Variants in FAF1 observed in about 807,000 individuals in gnomAD.
FAF1 encodes Fas associated factor 1.
FAF1 carries 25 observed loss-of-function variants against 92.5 expected under a neutral mutation model. That is an observed-to-expected ratio of 0.27 (90% CI 0.20 to 0.38). The LOEUF (loss-of-function observed/expected upper bound fraction) is 0.38, where lower values mean the gene tolerates loss of function less well. Ranked by LOEUF, FAF1 falls within the 10% of genes least tolerant of loss-of-function variation. The pLI is 1.00. For missense variants in FAF1, 636 were observed against 793.3 expected, an observed-to-expected ratio of 0.80 and a Z score of 2.38; for synonymous variants, 234 against 273.2, an observed-to-expected ratio of 0.86 and a Z score of 1.42.
intron 6 of FAF1, 44 bp from the exon 7 acceptor site, chr1:50,705,935 G>T: frequency 8.2e-7 from 1 of 1,224,922 alleles, no homozygotes; most frequent in Non-Finnish European, 1.2e-6. Flanking sequence ...AGATGAACAA[G>T]TTCTAGCTTG....
intron 4 of FAF1, among the ~76,000 whole-genome samples, chr1:50,760,475 A>G (rs1028209248): frequency 1.3e-5 from 2 of 152,224 alleles, no homozygotes; most frequent in Non-Finnish European, 2.9e-5. Context: ...AACAGAAATT[A>G]TAACAAACTG....
At chr1:50,696,837 C>T (rs1657255367) in intron 7 of FAF1, among the ~76,000 whole-genome samples, 1 of 152,154 alleles carries the variant, frequency 6.6e-6, no homozygotes, top group African/African-American at 2.4e-5. Context: ...CCTCCACCCC[C>T]ATGCATTAGC....
intron 6 of FAF1, among the ~76,000 whole-genome samples, chr1:50,735,515 T>C (rs1659099956): frequency 6.6e-6 from 1 of 152,142 alleles, no homozygotes; most frequent in Admixed American, 6.5e-5. Flanking sequence ...TACCATTTCT[T>C]CCCCTAGAAA....
At position 50,535,378 on chromosome 1, in the gene FAF1, T is replaced by C; in HGVS notation, c.1485A>G (p.Ile495Met). 1.2e-6 allele frequency: 2 copies of C among 1,607,170 alleles called. No individual in the cohort carries two copies. Among genetic ancestry groups the C allele is most frequent in the Admixed American group, 1.7e-5 (1 of 59,938 alleles). Reference sequence around the variant, plus strand: ...ATCTGCATAACCTTACCTCGTCCTTTATATCTTCCTGTTGTTGGGCTGTGA... The same window carrying C: ...ATCTGCATAACCTTACCTCGTCCTTCATATCTTCCTGTTGTTGGGCTGTGA... ...EIFTAQQQED[I>M]KDEDEREARE... Residue 495 changes from isoleucine (I) to methionine (M), a missense_variant, in exon 15 of 19, where the codon ATA becomes ATG. Around this residue, in one of 2 missense-constraint regions of FAF1, gnomAD observed 319 missense variants for 451.0 expected, o/e 0.71. Transcript: ENST00000396153.
chr1:50,713,181 T>C (rs1658015042), intron 6 of FAF1, among the ~76,000 whole-genome samples: 1 of 147,256 alleles, frequency 6.8e-6, no homozygotes, highest in African/African-American at 2.5e-5. Flanking sequence ...AAAAAAAAGT[T>C]CACGCTGCTT....
intron 13 of FAF1, among the ~76,000 whole-genome samples, chr1:50,554,390 T>TATATATATATATAGAGAGAGAGAGAGAG: frequency 8.9e-4 from 83 of 93,632 alleles, no homozygotes; most frequent in East Asian, 1.6e-3. Flanking sequence ...TATATATATA[T>TATATATATATATAGAGAGAGAGAGAGAG]AGAGAGAGAG....
chr1:50,910,710 C>T (rs1644878312), intron 1 of FAF1, among the ~76,000 whole-genome samples: 1 of 151,804 alleles, frequency 6.6e-6, no homozygotes, highest in Non-Finnish European at 1.5e-5. Context: ...TCTGGTGTGC[C>T]GTTCGCTAAG....
At chr1:50,785,953 G>A (rs1329624294) in intron 4 of FAF1, among the ~76,000 whole-genome samples, 1 of 151,690 alleles carries the variant, frequency 6.6e-6, no homozygotes, top group East Asian at 1.9e-4. Flanking sequence ...GAAAGTAAGT[G>A]AGACTCCTTC....
intron 1 of FAF1, among the ~76,000 whole-genome samples, chr1:50,937,673 A>G (rs1393842830): frequency 1.3e-5 from 2 of 152,164 alleles, no homozygotes; most frequent in African/African-American, 2.4e-5. Context: ...GTACTACATG[A>G]GTATACCCAT....
chr1:50,512,103 T>G (rs909377609), intron 15 of FAF1, among the ~76,000 whole-genome samples: 1 of 152,130 alleles, frequency 6.6e-6, no homozygotes, highest in African/African-American at 2.4e-5. Context: ...TTTTTCTTGT[T>G]AACTTGTTTA....
intron 4 of FAF1, among the ~76,000 whole-genome samples, chr1:50,759,610 A>C (rs1482702416): frequency 6.6e-6 from 1 of 152,114 alleles, no homozygotes; most frequent in Non-Finnish European, 1.5e-5. Flanking sequence ...CGCAATAAAC[A>C]TACGTGTGCA....
intron 1 of FAF1, among the ~76,000 whole-genome samples, chr1:50,927,948 A>C (rs775919370): frequency 6.6e-6 from 1 of 152,066 alleles, no homozygotes; most frequent in African/African-American, 2.4e-5. Context: ...GGATGTGTTC[A>C]TGTTGTGCAA....
intron 8 of FAF1, among the ~76,000 whole-genome samples, chr1:50,623,814 G>GCCTGTAGCCTGTAGC: frequency 6.6e-6 from 1 of 151,832 alleles, no homozygotes; most frequent in East Asian, 1.9e-4. Flanking sequence ...ATGGTGGTAT[G>GCCTGTAGCCTGTAGC]CGCCTGTAGT....
At chr1:50,750,596 T>G (rs1389714561) in intron 4 of FAF1, among the ~76,000 whole-genome samples, 3 of 151,640 alleles carry the variant, frequency 2.0e-5, no homozygotes, top group African/African-American at 7.3e-5. Context: ...TGGAGTAATG[T>G]TTTCGAGATT....
chr1:50,440,415 C>G lies in FAF1; in HGVS notation c.*1025G>C, dbSNP rs913815537. 2.0e-5 allele frequency: 3 copies of G among 152,210 alleles called. No individual in the cohort carries two copies. Among genetic ancestry groups the G allele is most frequent in the Non-Finnish European group, 2.9e-5 (2 of 68,040 alleles). The allele number at this position is 152,210 out of a possible 1,614,324, so 9.4% of individuals were successfully genotyped here. ...ATTTTTCAGCCACAGAATGAGATCC[C>G]TTTCATTTGAGTCCAATATCAAATA... On this transcript the variant is annotated 3_prime_UTR_variant, in exon 19 of 19. Transcript: ENST00000396153.
chr1:50,805,890 T>A (rs1184043805), intron 2 of FAF1, among the ~76,000 whole-genome samples: 1 of 152,154 alleles, frequency 6.6e-6, no homozygotes. Flanking sequence ...ATTTTCAAAG[T>A]ACATTACATA....
intron 7 of FAF1, among the ~76,000 whole-genome samples, chr1:50,694,868 T>TA (rs1657118545): frequency 6.9e-6 from 1 of 144,606 alleles, no homozygotes; most frequent in Admixed American, 6.9e-5. Flanking sequence ...GAGGCTGAGG[T>TA]GGAGAACTGC....
At chr1:50,449,910 C>T (rs1343786916) in intron 18 of FAF1, among the ~76,000 whole-genome samples, 2 of 151,716 alleles carry the variant, frequency 1.3e-5, no homozygotes, top group African/African-American at 4.8e-5. Flanking sequence ...AAAAAGTTAC[C>T]ATGGCTGGGT....
At chr1:50,736,434 TG>T (rs1184414426) in intron 6 of FAF1, among the ~76,000 whole-genome samples, 1 of 152,214 alleles carries the variant, frequency 6.6e-6, no homozygotes, top group African/African-American at 2.4e-5. Flanking sequence ...GGATATTGTT[TG>T]TTTGATTCTA....
Sources: gnomAD v4.1 joint callset for allele counts (sites outside exome capture counted in the v4.1 genomes callset) on GRCh38, gnomAD v4.1.1 for gene constraint, gnomAD v4.1.1 regional missense constraint, MANE v1.5 for transcripts, NCBI Gene and HGNC (gene_info 2026-07-23, HGNC 2026-07-21) for gene names.